PAPPA2: variants seen among roughly 807,000 people sequenced by gnomAD.
PAPPA2 encodes pappalysin 2, also known as pappalysin-2.
A neutral mutation model predicts 176.4 loss-of-function variants in PAPPA2; 86 were observed. The observed-to-expected ratio is 0.49, with a 90% CI of 0.41 to 0.58. The LOEUF (loss-of-function observed/expected upper bound fraction) is 0.58, where lower values mean the gene tolerates loss of function less well. Among genes scored for constraint, PAPPA2 ranks in the 20% least tolerant of loss-of-function variants. The pLI is 0.00. For synonymous variants in PAPPA2, 809 were observed against 852.2 expected (o/e 0.95, Z 0.88); for missense variants, 2,073 against 2,256.9 (o/e 0.92, Z 1.65).
chr1:176,826,601 A>T (rs1226032509), intron 21 of PAPPA2, among the ~76,000 whole-genome samples: 1 of 152,246 alleles, frequency 6.6e-6, no homozygotes, highest in African/African-American at 2.4e-5. Flanking sequence ...AGCCACACAA[A>T]CTGAACTGTC....
chr1:176,576,857 A>G (rs1256350625), intron 2 of PAPPA2, among the ~76,000 whole-genome samples: 1 of 152,070 alleles, frequency 6.6e-6, no homozygotes, highest in Non-Finnish European at 1.5e-5. Flanking sequence ...TTTCAGCTTG[A>G]CTTCTGACAG....
intron 3 of PAPPA2, among the ~76,000 whole-genome samples, chr1:176,625,137 A>G (rs1573150003): frequency 1.3e-5 from 2 of 152,324 alleles, no homozygotes; most frequent in African/African-American, 4.8e-5. Flanking sequence ...TCAATACCAC[A>G]GGAGTAAGAA....
chr1:176,516,755 T>C (rs1223761137), intron 1 of PAPPA2, among the ~76,000 whole-genome samples: 2 of 152,192 alleles, frequency 1.3e-5, no homozygotes, highest in Non-Finnish European at 2.9e-5. Flanking sequence ...TAAGTTTCTG[T>C]TGTTTTCAAA....
chr1:176,720,221 A>G (rs541492873), intron 12 of PAPPA2, among the ~76,000 whole-genome samples: 5 of 152,282 alleles, frequency 3.3e-5, no homozygotes, highest in Non-Finnish European at 5.9e-5. Context: ...TTTAAAACTA[A>G]CTTTAAAAGC....
At chr1:176,792,000 G>A (rs530642361) in intron 19 of PAPPA2, among the ~76,000 whole-genome samples, 1 of 152,314 alleles carries the variant, frequency 6.6e-6, no homozygotes, top group South Asian at 2.1e-4. Flanking sequence ...AAGATGAAAG[G>A]TGGGACTGTG....
At chr1:176,832,553 A>T (rs957265024) in intron 21 of PAPPA2, among the ~76,000 whole-genome samples, 1 of 151,888 alleles carries the variant, frequency 6.6e-6, no homozygotes, top group Non-Finnish European at 1.5e-5. Flanking sequence ...GGGTTTCTTC[A>T]TGTTGGCTAG....
rs201054876 is a variant in PAPPA2 at position 176,623,557 on chromosome 1, CCCTTCCTTCCTTCCTTCCCT to C, written c.1991+27981_1991+28000del. Among the ~76,000 whole-genome samples the C allele has an allele frequency of 7.1e-3, 974 of 137,452 alleles. 21 individuals are homozygous for C. The highest frequency in any genetic ancestry group is 0.014 in the African/African-American group (499 of 35,282). The allele number at this position is 137,452 out of a possible 152,430, so 90.2% of individuals were successfully genotyped here. On this transcript the variant is annotated intron_variant, in intron 3 of 22. Transcript: ENST00000367662. ...TCCCTCCTGGAACAGCTGCATTTTC[CCCTTCCTTCCTTCCTTCCCT>C]CCTTCCTTCCTTCCTTCCTTCCTTC...
chr1:176,651,677 A>G (rs1224928869), intron 3 of PAPPA2, among the ~76,000 whole-genome samples: 1 of 151,628 alleles, frequency 6.6e-6, no homozygotes, highest in Admixed American at 6.6e-5. Context: ...TTTTCTTAAG[A>G]AAAGTTTTCT....
intron 21 of PAPPA2, among the ~76,000 whole-genome samples, chr1:176,832,356 C>G (rs182231556): frequency 6.6e-6 from 1 of 152,078 alleles, no homozygotes. Context: ...TAAAACCATA[C>G]GCTGTGCTCT....
At chr1:176,724,122 A>G (rs1006819796) in intron 12 of PAPPA2, among the ~76,000 whole-genome samples, 1 of 152,248 alleles carries the variant, frequency 6.6e-6, no homozygotes, top group African/African-American at 2.4e-5. Context: ...ATAATATGCC[A>G]AAACCAGAAT....
intron 13 of PAPPA2, 77 bp from the exon 14 acceptor site, chr1:176,739,903 G>T: frequency 6.3e-7 from 1 of 1,577,772 alleles, no homozygotes; most frequent in Non-Finnish European, 8.7e-7. Flanking sequence ...CCTATTAAGA[G>T]GATAAAATGA....
intron 14 of PAPPA2, among the ~76,000 whole-genome samples, chr1:176,751,475 G>A (rs2102887753): frequency 8.4e-6 from 1 of 118,700 alleles, no homozygotes; most frequent in Admixed American, 9.5e-5. Flanking sequence ...AATCTACAAT[G>A]AACTCAAACA....
intron 3 of PAPPA2, among the ~76,000 whole-genome samples, chr1:176,657,919 G>A (rs775266728): frequency 5.9e-5 from 9 of 152,024 alleles, no homozygotes; most frequent in Non-Finnish European, 1.0e-4. Context: ...GGGAAACAAT[G>A]AGGGATTATC....
chr1:176,619,340 A>G (rs1320873138), intron 3 of PAPPA2, among the ~76,000 whole-genome samples: 1 of 152,246 alleles, frequency 6.6e-6, no homozygotes, highest in Non-Finnish European at 1.5e-5. Flanking sequence ...CTCTAAGAAG[A>G]CTACTATATG....
intron 3 of PAPPA2, among the ~76,000 whole-genome samples, chr1:176,635,847 A>C (rs1656669049): frequency 6.6e-6 from 1 of 152,080 alleles, no homozygotes; most frequent in East Asian, 1.9e-4. Flanking sequence ...TAGTTTCATT[A>C]TATAATAATT....
chr1:176,497,638 T>C (rs1334125443), intron 1 of PAPPA2, among the ~76,000 whole-genome samples: 1 of 152,068 alleles, frequency 6.6e-6, no homozygotes, highest in Non-Finnish European at 1.5e-5. Context: ...TTTGGAAAAG[T>C]ATGGTCTTGA....
At chr1:176,828,579 T>C (rs1028204089) in intron 21 of PAPPA2, among the ~76,000 whole-genome samples, 2 of 152,118 alleles carry the variant, frequency 1.3e-5, no homozygotes, top group Admixed American at 1.3e-4. Context: ...TTACCACATC[T>C]ATGCATATGT....
At chr1:176,722,828 C>T (rs1661687722) in intron 12 of PAPPA2, among the ~76,000 whole-genome samples, 1 of 152,150 alleles carries the variant, frequency 6.6e-6, no homozygotes, top group Admixed American at 6.5e-5. Context: ...GTATTACACG[C>T]TACTCTATAA....
At chr1:176,734,686 T>G (rs12117539) in intron 12 of PAPPA2, among the ~76,000 whole-genome samples, 28,030 of 152,024 alleles carry the variant, frequency 0.18, 2,654 homozygotes, top group Middle Eastern at 0.24. Context: ...AAACTCTTCC[T>G]CGACAAAATT....
Sources: allele counts gnomAD v4.1 joint callset (sites outside exome capture counted in the v4.1 genomes callset), GRCh38; gene constraint gnomAD v4.1.1; transcripts MANE v1.5; gene names NCBI Gene and HGNC (gene_info 2026-07-23, HGNC 2026-07-21).